Variants in MACROD2 observed in about 807,000 individuals in gnomAD.
MACROD2 encodes the protein ADP-ribose glycohydrolase MACROD2.
Under a neutral mutation model 70.4 loss-of-function variants are expected in MACROD2, and 36 were observed. That is an observed-to-expected ratio of 0.51 (90% CI 0.39 to 0.68). MACROD2 has a LOEUF of 0.68. Ranked by LOEUF, MACROD2 falls within the 30% of genes least tolerant of loss-of-function variation. MACROD2 has a pLI of 0.00. For synonymous variants in MACROD2, 172 were observed against 178.8 expected (o/e 0.96, Z 0.30); for missense variants, 496 against 538.4 (o/e 0.92, Z 0.78).
chr20:14,910,622 A>G (rs1398301320), intron 5 of MACROD2, among the ~76,000 whole-genome samples: 1 of 152,150 alleles, frequency 6.6e-6, no homozygotes, highest in African/African-American at 2.4e-5. Flanking sequence ...GTGGTCCCTG[A>G]TCCATTCATT....
chr20:14,658,399 G>C (rs965708119), intron 4 of MACROD2, among the ~76,000 whole-genome samples: 1 of 152,124 alleles, frequency 6.6e-6, no homozygotes, highest in African/African-American at 2.4e-5. Context: ...AAGAAGAAGA[G>C]AGAAATATTT....
chr20:14,451,862 G>A (rs1342876105), intron 3 of MACROD2, among the ~76,000 whole-genome samples: 1 of 152,146 alleles, frequency 6.6e-6, no homozygotes, highest in African/African-American at 2.4e-5. Flanking sequence ...TGACATTTCA[G>A]AGTTTCTGTC....
At chr20:15,921,115 G>T (rs1477062530) in intron 10 of MACROD2, among the ~76,000 whole-genome samples, 2 of 151,934 alleles carry the variant, frequency 1.3e-5, no homozygotes, top group African/African-American at 2.4e-5. Flanking sequence ...CCCACCCATG[G>T]CTCCCAGCTG....
chr20:14,613,247 C>T (rs960030109), intron 4 of MACROD2, among the ~76,000 whole-genome samples: 1 of 152,090 alleles, frequency 6.6e-6, no homozygotes, highest in Non-Finnish European at 1.5e-5. Flanking sequence ...ATGAGAAATA[C>T]ACATATACAG....
At chr20:14,420,019 C>T (rs115017023) in intron 3 of MACROD2, among the ~76,000 whole-genome samples, 1,815 of 151,838 alleles carry the variant, frequency 0.012, 32 homozygotes, top group African/African-American at 0.041. Context: ...TGTATATCTA[C>T]GATAATTTTC....
rs146212261 is a variant in MACROD2 at position 14,240,793 on chromosome 20, C to T, written c.271+155065C>T. Among the ~76,000 whole-genome samples the T allele has an allele frequency of 2.4e-4, 36 of 152,232 alleles. No individual in the cohort carries two copies. The East Asian group carries it at 6.4e-3, about 27-fold the overall frequency. On this transcript the variant is annotated intron_variant, in intron 3 of 17. Coordinates refer to ENST00000684519, the MANE Select transcript of MACROD2 (RefSeq NM_001351661.2). ...CAGTACACTAAATGCTCATGACATG[C>T]AACTTACCTATATGATAAACCTGCA... is the stretch of plus-strand genomic sequence containing the variant.
At chr20:15,157,021 T>A (rs2076311434) in intron 5 of MACROD2, among the ~76,000 whole-genome samples, 1 of 152,272 alleles carries the variant, frequency 6.6e-6, no homozygotes, top group Non-Finnish European at 1.5e-5. Flanking sequence ...TACAATTTCC[T>A]AGTCCATTAC....
At chr20:14,858,864 T>C (rs938913322) in intron 5 of MACROD2, among the ~76,000 whole-genome samples, 3 of 152,086 alleles carry the variant, frequency 2.0e-5, no homozygotes, top group Admixed American at 6.6e-5. Flanking sequence ...ACCTCAAAGG[T>C]TGTTGTAAGG....
At chr20:15,233,975 ATATTTATT>A (rs1183949144) in intron 6 of MACROD2, among the ~76,000 whole-genome samples, 1,905 of 50,194 alleles carry the variant, frequency 0.038, 160 homozygotes, top group African/African-American at 0.074. Context: ...ATTTTTATAT[ATATTTATT>A]TATATATATA....
rs774098774 is a variant in MACROD2, at chr20:14,840,759, A to G, written c.418+155800A>G. On this transcript the variant is annotated intron_variant, in intron 5 of 17. Transcript: ENST00000684519. ...GAAAGGTCATTTCAGGAACATAAGA[A>G]GTCTTTTTCACTTTACTCTTTGCTC... Among the ~76,000 whole-genome samples the G allele has an allele frequency of 2.2e-4, 34 of 152,254 alleles. 1 individual carries two copies. The highest frequency in any genetic ancestry group is 4.3e-4 in the Non-Finnish European group (29 of 68,000).
chr20:15,874,394 T>C (rs1601033912), intron 9 of MACROD2, among the ~76,000 whole-genome samples: 2 of 152,178 alleles, frequency 1.3e-5, no homozygotes, highest in South Asian at 2.1e-4. Flanking sequence ...TGTGTCTTCA[T>C]AGTAGCATGA....
At chr20:14,808,663 C>T (rs2072669918) in intron 5 of MACROD2, among the ~76,000 whole-genome samples, 1 of 151,610 alleles carries the variant, frequency 6.6e-6, no homozygotes, top group Admixed American at 6.6e-5. Context: ...AGTCAAGACC[C>T]ATCATTGTGC....
chr20:15,417,686 A>G (rs192271931), intron 6 of MACROD2, among the ~76,000 whole-genome samples: 1 of 151,724 alleles, frequency 6.6e-6, no homozygotes. Context: ...AATATCAACT[A>G]GGAGGTTGTT....
intron 6 of MACROD2, among the ~76,000 whole-genome samples, chr20:15,283,621 G>A (rs186420514): frequency 3.9e-5 from 6 of 152,096 alleles, no homozygotes; most frequent in East Asian, 1.9e-4. Flanking sequence ...GCAGTGAGCC[G>A]AGTTCACGCC....
intron 3 of MACROD2, among the ~76,000 whole-genome samples, chr20:14,425,350 C>T (rs1338389914): frequency 1.3e-5 from 2 of 152,148 alleles, no homozygotes; most frequent in African/African-American, 4.8e-5. Flanking sequence ...CACCCTCCAG[C>T]TTTCTTACAT....
intron 5 of MACROD2, among the ~76,000 whole-genome samples, chr20:14,930,886 C>T (rs1351199550): frequency 6.8e-6 from 1 of 147,178 alleles, no homozygotes; most frequent in Non-Finnish European, 1.5e-5. Flanking sequence ...AAACAAAAGC[C>T]AGGCACAGTG....
intron 6 of MACROD2, among the ~76,000 whole-genome samples, chr20:15,331,045 T>A (rs1293573496): frequency 6.6e-6 from 1 of 151,028 alleles, no homozygotes; most frequent in Admixed American, 6.6e-5. Flanking sequence ...AATCGTGACA[T>A]CTTCTTAATA....
chr20:15,885,212 G>C (rs1281322918), intron 9 of MACROD2, among the ~76,000 whole-genome samples: 1 of 152,130 alleles, frequency 6.6e-6, no homozygotes, highest in African/African-American at 2.4e-5. Context: ...ATTATACTGG[G>C]AGATGATGGG....
chr20:15,994,160 T>A (rs954870973), intron 15 of MACROD2, among the ~76,000 whole-genome samples: 4 of 152,186 alleles, frequency 2.6e-5, no homozygotes, highest in Non-Finnish European at 5.9e-5. Context: ...AGTATCAGAG[T>A]AGGGCAGTAG....
Sources: gnomAD v4.1 joint callset for allele counts (sites outside exome capture counted in the v4.1 genomes callset) on GRCh38, gnomAD v4.1.1 for gene constraint, MANE v1.5 for transcripts, NCBI Gene and HGNC (gene_info 2026-07-23, HGNC 2026-07-21) for gene names.